Variants in FAM13A observed in about 807,000 individuals in gnomAD.
FAM13A encodes the protein family with sequence similarity 13 member A.
Under a neutral mutation model 129.6 loss-of-function variants are expected in FAM13A, and 76 were observed. The ratio of observed to expected loss-of-function variants is 0.59; its 90% CI spans 0.49 to 0.71. FAM13A has a LOEUF of 0.71. Among genes scored for constraint, FAM13A ranks in the 30% least tolerant of loss-of-function variants. The probability of loss-of-function intolerance (pLI) is 0.00; values close to 1 mark genes in which losing one functional copy is unlikely to be tolerated. For missense variants in FAM13A, 1,108 were observed against 1,249.3 expected, an observed-to-expected ratio of 0.89 and a Z score of 1.70; for synonymous variants, 443 against 449.9, an observed-to-expected ratio of 0.98 and a Z score of 0.20.
Position 88,731,395 on chromosome 4 carries a change from T to C in FAM13A, c.2877A>G (p.Arg959=). The part of the protein sequence containing the change: ...PELLEHLQEM[R]EEKKRIRKKL... Reference sequence around the variant, plus strand: ...TCTTTCGAATCCTTTTCTTTTCTTCTCTCATTTCCTGGAGGTGTTCCAGGA... The same window carrying C: ...TCTTTCGAATCCTTTTCTTTTCTTCCCTCATTTCCTGGAGGTGTTCCAGGA... Residue 959 remains arginine (R), a synonymous_variant, in exon 23 of 24, where the codon AGA becomes AGG. Transcript: ENST00000264344. The C allele has an allele frequency of 6.2e-7, 1 of 1,605,696 alleles. No individual in the cohort carries two copies. The highest frequency in any genetic ancestry group is 8.5e-7 in the Non-Finnish European group (1 of 1,179,242).
intron 8 of FAM13A, among the ~76,000 whole-genome samples, chr4:88,798,419 G>A (rs977059763): frequency 1.3e-5 from 2 of 152,140 alleles, no homozygotes; most frequent in Admixed American, 6.6e-5. Flanking sequence ...AAAAGCTGAT[G>A]AGGGCAGAGA....
At chr4:88,868,992 G>A (rs1740909540) in intron 6 of FAM13A, among the ~76,000 whole-genome samples, 1 of 152,120 alleles carries the variant, frequency 6.6e-6, no homozygotes, top group Non-Finnish European at 1.5e-5. Context: ...TCTTCATTTG[G>A]AAGATGGTAA....
chr4:88,989,225 A>T (rs1015985505), intron 4 of FAM13A, among the ~76,000 whole-genome samples: 1 of 151,998 alleles, frequency 6.6e-6, no homozygotes, highest in Admixed American at 6.6e-5. Context: ...ACAAACAAAC[A>T]AACAAAAAGC....
chr4:88,953,076 T>C (rs2148883507), intron 4 of FAM13A, among the ~76,000 whole-genome samples: 1 of 152,266 alleles, frequency 6.6e-6, no homozygotes, highest in South Asian at 2.1e-4. Context: ...CCATTTAGAG[T>C]GTACAATTCA....
At chr4:88,976,269 G>T (rs916590822) in intron 4 of FAM13A, among the ~76,000 whole-genome samples, 1 of 152,166 alleles carries the variant, frequency 6.6e-6, no homozygotes, top group African/African-American at 2.4e-5. Flanking sequence ...CCAGGCAGAT[G>T]TTATTGCTTA....
In FAM13A at chr4:88,726,541, G is replaced by A. The variant is rs992319827; in HGVS notation, c.*1992C>T. 5.9e-5 allele frequency: 9 copies of A among 152,504 alleles called. No individual in the cohort carries two copies. Among genetic ancestry groups the A allele is most frequent in the Non-Finnish European group, 2.9e-5 (2 of 67,980 alleles). The allele number at this position is 152,504 out of a possible 1,614,324, so 9.4% of individuals were successfully genotyped here. Reference sequence around the variant, plus strand: ...TGTAGCGTATTTTTCCAAAAACATAGTCTTAAACAAATGTGCTTTAAAAGC... The same window carrying A: ...TGTAGCGTATTTTTCCAAAAACATAATCTTAAACAAATGTGCTTTAAAAGC... On this transcript the variant is annotated 3_prime_UTR_variant, in exon 24 of 24. Transcript: ENST00000264344.
rs913780161 is a variant in FAM13A at position 88,810,775 on chromosome 4, A to T, written c.1008-5723T>A. 4.6e-5 allele frequency among the ~76,000 whole-genome samples: 7 copies of T among 152,264 alleles called. No homozygotes were observed. In the South Asian group the frequency reaches 8.3e-4, roughly 18 times the overall value. On this transcript the variant is annotated intron_variant, in intron 7 of 23. Transcript: ENST00000264344. ...TCCTCATAAGCAGTCGAGATACAAT[A>T]TTTTTTTAAAGTTTTAATGATGATT...
intron 6 of FAM13A, among the ~76,000 whole-genome samples, chr4:88,887,063 G>A (rs1744545303): frequency 6.6e-6 from 1 of 152,092 alleles, no homozygotes; most frequent in Admixed American, 6.5e-5. Context: ...ATCAAACATC[G>A]TATGTTCTCA....
chr4:89,004,126 G>A (rs1764665796), intron 3 of FAM13A, among the ~76,000 whole-genome samples: 1 of 152,022 alleles, frequency 6.6e-6, no homozygotes, highest in Admixed American at 6.6e-5. Flanking sequence ...CACCTGGCCA[G>A]GGTCTGCTGG....
At chr4:88,790,562 A>C (rs1483219654) in intron 9 of FAM13A, 24 bp downstream of exon 9, 21 of 1,585,374 alleles carry the variant, frequency 1.3e-5, no homozygotes, top group Admixed American at 3.5e-5. Context: ...CCCAAAGCCC[A>C]AAAACCCAAC....
At chr4:88,989,926 G>A (rs990984310) in intron 4 of FAM13A, 1 of 152,040 alleles carries the variant, frequency 6.6e-6, no homozygotes, top group Non-Finnish European at 1.5e-5. Flanking sequence ...CCAAACAAAG[G>A]TTTACTGGGC....
chr4:88,913,718 G>C (rs2148680034), intron 5 of FAM13A, among the ~76,000 whole-genome samples: 1 of 152,310 alleles, frequency 6.6e-6, no homozygotes, highest in African/African-American at 2.4e-5. Flanking sequence ...CTCAAGAGTT[G>C]ATACAGAGAA....
chr4:88,799,010 T>C (rs1345963328), intron 8 of FAM13A, among the ~76,000 whole-genome samples: 3 of 152,228 alleles, frequency 2.0e-5, no homozygotes, highest in African/African-American at 7.2e-5. Flanking sequence ...TTTCTCAGTA[T>C]AGCTCTAAAC....
intron 3 of FAM13A, among the ~76,000 whole-genome samples, chr4:88,999,462 C>T (rs1763968819): frequency 6.6e-6 from 1 of 152,136 alleles, no homozygotes; most frequent in South Asian, 2.1e-4. Context: ...ATGTAAAATG[C>T]TAATCTGAAA....
chr4:88,820,921 A>G (rs1731760080), intron 7 of FAM13A, among the ~76,000 whole-genome samples: 1 of 152,154 alleles, frequency 6.6e-6, no homozygotes, highest in African/African-American at 2.4e-5. Context: ...TACACATCCA[A>G]TTTCAATGTA....
chr4:88,873,461 C>A (rs1036308987), intron 6 of FAM13A, among the ~76,000 whole-genome samples: 19 of 152,246 alleles, frequency 1.2e-4, no homozygotes, highest in African/African-American at 3.6e-4. Context: ...AAGGGGATAT[C>A]ACCACCGATC....
intron 1 of FAM13A, among the ~76,000 whole-genome samples, chr4:89,037,062 A>G (rs1005734077): frequency 6.6e-6 from 1 of 152,204 alleles, no homozygotes; most frequent in Non-Finnish European, 1.5e-5. Flanking sequence ...CCCCCATACA[A>G]GAGTCCCCAC....
chr4:88,995,483 C>G (rs927952737), intron 3 of FAM13A, among the ~76,000 whole-genome samples: 21 of 152,274 alleles, frequency 1.4e-4, no homozygotes, highest in African/African-American at 5.1e-4. Flanking sequence ...CTTCTGCCCT[C>G]CATCTCTCTC....
rs184065398 is a variant in FAM13A, at chr4:88,797,682, C to A, written c.1050-7055G>T. ...CATTTCTCTTCTTTACTGCCTTCAA[C>A]ATAGTTTTTAAAGTCTCTTCTAAAA... On this transcript the variant is annotated intron_variant, in intron 8 of 23. Transcript: ENST00000264344. 2.2e-4 allele frequency among the ~76,000 whole-genome samples: 34 copies of A among 152,212 alleles called. No individual in the cohort carries two copies. The East Asian group carries it at 5.6e-3, about 25-fold the overall frequency.
Sources: gnomAD v4.1 joint callset for allele counts (sites outside exome capture counted in the v4.1 genomes callset) on GRCh38, gnomAD v4.1.1 for gene constraint, MANE v1.5 for transcripts, NCBI Gene and HGNC (gene_info 2026-07-23, HGNC 2026-07-21) for gene names.